The following SORCS1 variants were observed in gnomAD, a reference collection of about 807,000 sequenced individuals.
SORCS1 encodes the protein VPS10 domain-containing receptor SorCS1.
A neutral mutation model predicts 146.1 loss-of-function variants in SORCS1; 60 were observed. The ratio of observed to expected loss-of-function variants is 0.41; its 90% CI spans 0.33 to 0.51. The LOEUF is 0.51. Among genes scored for constraint, SORCS1 ranks in the 20% least tolerant of loss-of-function variants. The pLI is 0.21. For missense variants in SORCS1, 1,352 were observed against 1,487.6 expected, an observed-to-expected ratio of 0.91 and a Z score of 1.50; for synonymous variants, 637 against 584.0, an observed-to-expected ratio of 1.09 and a Z score of -1.31.
chr10:106,954,281 A>C (rs937091680), intron 2 of SORCS1, among the ~76,000 whole-genome samples: 1 of 152,188 alleles, frequency 6.6e-6, no homozygotes, highest in African/African-American at 2.4e-5. Context: ...TGCAGAAAAA[A>C]ATGCTGGCTT....
intron 1 of SORCS1, among the ~76,000 whole-genome samples, chr10:107,134,542 G>A (rs879874187): frequency 6.6e-6 from 1 of 152,196 alleles, no homozygotes; most frequent in Admixed American, 6.5e-5. Context: ...GGGAGGCTGA[G>A]GCAGGAGAAT....
chr10:106,828,973 G>A lies in SORCS1; in HGVS notation c.726+601C>T, dbSNP rs541700618. On this transcript the variant is annotated intron_variant, in intron 3 of 25. Coordinates refer to ENST00000263054, the MANE Select transcript of SORCS1 (RefSeq NM_052918.5). ...CCTCTGAATCTCAGTTTTCTTATCT[G>A]TAAAATAACGGTGTTGTAGATGATG... Among the ~76,000 whole-genome samples, 8 of 152,234 alleles carry A rather than the reference G, an allele frequency of 5.3e-5. No individual in the cohort carries two copies. The South Asian group carries it at 1.5e-3, about 28-fold the overall frequency.
intron 2 of SORCS1, among the ~76,000 whole-genome samples, chr10:106,850,452 G>A (rs1158566784): frequency 2.0e-5 from 3 of 152,016 alleles, no homozygotes; most frequent in Non-Finnish European, 4.4e-5. Context: ...GCTCGCACAC[G>A]GTGCGCGCAC....
intron 1 of SORCS1, among the ~76,000 whole-genome samples, chr10:107,044,075 C>A (rs1959197519): frequency 6.6e-6 from 1 of 152,146 alleles, no homozygotes; most frequent in African/African-American, 2.4e-5. Flanking sequence ...TCTAATTTTT[C>A]TCTTCTCTAT....
At chr10:106,605,744 T>A (rs1052663756) in intron 23 of SORCS1, among the ~76,000 whole-genome samples, 6 of 152,074 alleles carry the variant, frequency 3.9e-5, no homozygotes, top group African/African-American at 1.4e-4. Flanking sequence ...CACTAGGAAA[T>A]GGGGTTCAAC....
chr10:106,723,053 G>T lies in SORCS1; in HGVS notation c.1024+6997C>A, dbSNP rs569186849. On this transcript the variant is annotated intron_variant, in intron 6 of 25. Transcript: ENST00000263054. ...AACAAATATTAAATGTTTCATCTGG[G>T]TGTGGTGGCTCATGCCTATCCCAGC... Among the ~76,000 whole-genome samples, 4 of 152,214 alleles carry T rather than the reference G, an allele frequency of 2.6e-5. No homozygotes were observed. In the South Asian group the frequency reaches 8.3e-4, roughly 32 times the overall value.
At chr10:106,720,188 G>A (rs894549558) in intron 6 of SORCS1, among the ~76,000 whole-genome samples, 3 of 152,154 alleles carry the variant, frequency 2.0e-5, no homozygotes, top group African/African-American at 2.4e-5. Flanking sequence ...TATGAGAGCA[G>A]AGCCTTTGCA....
chr10:106,861,518 G>C (rs1181620882), intron 2 of SORCS1, among the ~76,000 whole-genome samples: 1 of 151,978 alleles, frequency 6.6e-6, no homozygotes, highest in African/African-American at 2.4e-5. Flanking sequence ...TATGAAAAAT[G>C]TATTCTAGAA....
chr10:107,093,213 T>C (rs747596126), intron 1 of SORCS1, among the ~76,000 whole-genome samples: 31 of 152,136 alleles, frequency 2.0e-4, no homozygotes, highest in Admixed American at 6.6e-5. Flanking sequence ...TTTCCACATA[T>C]ATGCCCAGCA....
intron 6 of SORCS1, among the ~76,000 whole-genome samples, chr10:106,728,858 G>A (rs1856392634): frequency 6.6e-6 from 1 of 152,168 alleles, no homozygotes; most frequent in Non-Finnish European, 1.5e-5. Flanking sequence ...GCCTACAACA[G>A]CCTCATTGCT....
Position 106,573,766 on chromosome 10 carries a change from A to G in SORCS1, c.*3654T>C, listed in dbSNP as rs1262902744. ...ACATTCTGCCTTGTTAGTAAAAAAC[A>G]GCCAAAAACCTCAAGCCTGTGGTGT... On this transcript the variant is annotated 3_prime_UTR_variant, in exon 26 of 26. Coordinates refer to ENST00000263054, the MANE Select transcript of SORCS1 (RefSeq NM_052918.5). 2.0e-5 allele frequency: 3 copies of G among 152,350 alleles called. No homozygotes were observed. The highest frequency in any genetic ancestry group is 7.2e-5 in the African/African-American group (3 of 41,424). 9.4% of individuals were successfully genotyped at this position (152,350 alleles called of 1,614,324 possible). A position where few individuals can be genotyped will look rare whatever the true frequency, so the allele number is the denominator to read the frequency against.
Position 107,159,131 on chromosome 10 carries a change from G to A in SORCS1, c.558+4838C>T, listed in dbSNP as rs376259030. Among the ~76,000 whole-genome samples the A allele has an allele frequency of 1.1e-4, 17 of 152,168 alleles. No homozygotes were observed. The South Asian group carries it at 2.9e-3, about 26-fold the overall frequency. On this transcript the variant is annotated intron_variant, in intron 1 of 25. Coordinates refer to ENST00000263054, the MANE Select transcript of SORCS1 (RefSeq NM_052918.5). ...CACAGATTGAAATGAAGGCCTGCTG[G>A]GATCTCACATTACTTGATTTCCCCT...
At chr10:106,927,582 C>T (rs537527374) in intron 2 of SORCS1, among the ~76,000 whole-genome samples, 33 of 152,242 alleles carry the variant, frequency 2.2e-4, no homozygotes, top group African/African-American at 7.7e-4. Context: ...CTCATGTGGC[C>T]CCACCCACAT....
intron 1 of SORCS1, among the ~76,000 whole-genome samples, chr10:107,075,232 A>T (rs1962775836): frequency 6.6e-6 from 1 of 152,210 alleles, no homozygotes; most frequent in Admixed American, 6.5e-5. Context: ...TGGTGGCTCC[A>T]TAATTAATCC....
At chr10:106,639,162 A>G (rs910282386) in intron 18 of SORCS1, among the ~76,000 whole-genome samples, 2 of 152,200 alleles carry the variant, frequency 1.3e-5, no homozygotes, top group African/African-American at 2.4e-5. Flanking sequence ...AATAAATGGC[A>G]AAGTGCAAAG....
At chr10:106,773,032 T>C (rs1459746668) in intron 4 of SORCS1, among the ~76,000 whole-genome samples, 6 of 151,682 alleles carry the variant, frequency 4.0e-5, no homozygotes, top group African/African-American at 1.5e-4. Context: ...AGCCAGCAAA[T>C]AAAGAAAAAG....
At chr10:107,133,453 G>T (rs1476525071) in intron 1 of SORCS1, among the ~76,000 whole-genome samples, 1 of 152,120 alleles carries the variant, frequency 6.6e-6, no homozygotes, top group Non-Finnish European at 1.5e-5. Flanking sequence ...AGGGTAGAAT[G>T]CCGGAGAAGG....
intron 2 of SORCS1, among the ~76,000 whole-genome samples, chr10:106,861,833 G>C (rs745540443): frequency 9.9e-5 from 15 of 152,180 alleles, no homozygotes; most frequent in Non-Finnish European, 1.8e-4. Flanking sequence ...AGGCTGCAGT[G>C]AGCCAAGATT....
chr10:106,770,926 G>A (rs1859972560), intron 4 of SORCS1, among the ~76,000 whole-genome samples: 1 of 152,208 alleles, frequency 6.6e-6, no homozygotes, highest in East Asian at 1.9e-4. Flanking sequence ...CCACAAGGGT[G>A]GGAATTGCAC....
Sources: gnomAD v4.1 joint callset for allele counts (sites outside exome capture counted in the v4.1 genomes callset) on GRCh38, gnomAD v4.1.1 for gene constraint, MANE v1.5 for transcripts, NCBI Gene and HGNC (gene_info 2026-07-23, HGNC 2026-07-21) for gene names.